NPAS3: variants seen among roughly 807,000 people sequenced by gnomAD.
NPAS3 encodes neuronal PAS domain protein 3.
NPAS3 carries 14 observed loss-of-function variants against 73.1 expected under a neutral mutation model. The ratio of observed to expected loss-of-function variants is 0.19; its 90% confidence interval spans 0.13 to 0.30. NPAS3 has a LOEUF of 0.30. NPAS3 is among the 10% of genes least tolerant of loss of function. NPAS3 has a pLI of 1.00. For synonymous variants in NPAS3, 620 were observed against 541.5 expected (o/e 1.14, Z -2.01); for missense variants, 1,096 against 1,250.0 (o/e 0.88, Z 1.86).
At chr14:32,941,688 G>C (rs1038342358) in intron 1 of NPAS3, among the ~76,000 whole-genome samples, 3 of 152,054 alleles carry the variant, frequency 2.0e-5, no homozygotes, top group Admixed American at 1.3e-4. Flanking sequence ...TTCTTGTTCA[G>C]CTTGGATGCT....
chr14:33,021,427 T>A (rs1454131611), intron 1 of NPAS3, among the ~76,000 whole-genome samples: 1 of 152,214 alleles, frequency 6.6e-6, no homozygotes, highest in African/African-American at 2.4e-5. Context: ...CTGAGTAGTT[T>A]CCTTGTTTTC....
At chr14:33,210,790 C>A (rs975026215) in intron 2 of NPAS3, among the ~76,000 whole-genome samples, 7 of 152,032 alleles carry the variant, frequency 4.6e-5, no homozygotes, top group African/African-American at 1.5e-4. Context: ...TCCTTATGAT[C>A]CTGCACAAAA....
intron 6 of NPAS3, among the ~76,000 whole-genome samples, chr14:33,701,760 A>G (rs2060528862): frequency 6.6e-6 from 1 of 152,146 alleles, no homozygotes; most frequent in South Asian, 2.1e-4. Flanking sequence ...CAACTTTTTG[A>G]GTATTTCCAG....
At chr14:33,564,638 C>T (rs1056547125) in intron 5 of NPAS3, among the ~76,000 whole-genome samples, 6 of 152,304 alleles carry the variant, frequency 3.9e-5, no homozygotes, top group Non-Finnish European at 7.3e-5. Flanking sequence ...TTCTTCTAAG[C>T]CCTCATGAGA....
chr14:33,687,736 A>G lies in NPAS3; in HGVS notation c.733+11351A>G, dbSNP rs546868718. ...TGTCTATAGTTTAGGTACACAAAAC[A>G]TTCATTCATTCTTTCATTTATTCTT... On this transcript the variant is annotated intron_variant, in intron 6 of 11. Coordinates refer to ENST00000356141, the Ensembl canonical transcript of NPAS3. Among the ~76,000 whole-genome samples, 13 of 152,358 alleles carry G rather than the reference A, an allele frequency of 8.5e-5. No homozygotes were observed. In the South Asian group the frequency reaches 2.5e-3, roughly 29 times the overall value.
chr14:33,291,258 C>T (rs2042088345), intron 3 of NPAS3, among the ~76,000 whole-genome samples: 1 of 152,032 alleles, frequency 6.6e-6, no homozygotes, highest in South Asian at 2.1e-4. Context: ...AAGAGAGAAG[C>T]ATTATTGAGG....
intron 7 of NPAS3, among the ~76,000 whole-genome samples, chr14:33,737,804 T>A (rs554217264): frequency 6.6e-6 from 1 of 152,266 alleles, no homozygotes; most frequent in East Asian, 1.9e-4. Context: ...AAACTGGTAA[T>A]CACCCCACCA....
chr14:33,581,434 C>G (rs1045349039), intron 5 of NPAS3, among the ~76,000 whole-genome samples: 3 of 152,100 alleles, frequency 2.0e-5, no homozygotes, highest in Non-Finnish European at 4.4e-5. Flanking sequence ...ACAGAAAATA[C>G]CACCTCCATT....
At chr14:32,995,700 T>C (rs978850713) in intron 1 of NPAS3, among the ~76,000 whole-genome samples, 1 of 152,232 alleles carries the variant, frequency 6.6e-6, no homozygotes, top group Non-Finnish European at 1.5e-5. Context: ...CCTGCTGCCA[T>C]CCATGTAAGA....
intron 3 of NPAS3, among the ~76,000 whole-genome samples, chr14:33,291,050 G>A (rs1199976733): frequency 6.6e-6 from 1 of 151,900 alleles, no homozygotes; most frequent in Non-Finnish European, 1.5e-5. Context: ...TCTAGGCTTT[G>A]CAATACGAAT....
intron 1 of NPAS3, among the ~76,000 whole-genome samples, chr14:32,943,473 T>C (rs190893141): frequency 6.6e-6 from 1 of 152,246 alleles, no homozygotes; most frequent in East Asian, 1.9e-4. Context: ...TGAACCACCT[T>C]ACTCCTCTTC....
intron 4 of NPAS3, among the ~76,000 whole-genome samples, chr14:33,506,809 C>A (rs148794761): frequency 1.8e-4 from 27 of 151,962 alleles, no homozygotes; most frequent in African/African-American, 6.0e-4. Flanking sequence ...CAGTCTCCCC[C>A]CTAATTCCCC....
chr14:33,387,343 CT>C, intron 4 of NPAS3, among the ~76,000 whole-genome samples: 1 of 152,130 alleles, frequency 6.6e-6, no homozygotes, highest in Non-Finnish European at 1.5e-5. Flanking sequence ...AAAAATTCCT[CT>C]CCTCCAACTC....
intron 6 of NPAS3, among the ~76,000 whole-genome samples, chr14:33,723,703 A>G (rs1363597104): frequency 7.9e-6 from 1 of 126,660 alleles, no homozygotes; most frequent in Non-Finnish European, 1.6e-5. Flanking sequence ...CTTTGCTTCA[A>G]TACTTCCTCT....
At chr14:33,605,951 ACTAT>A (rs1270974121) in intron 5 of NPAS3, among the ~76,000 whole-genome samples, 1 of 152,192 alleles carries the variant, frequency 6.6e-6, no homozygotes, top group Non-Finnish European at 1.5e-5. Flanking sequence ...GAGGACTGAC[ACTAT>A]CTAATTTCAA....
intron 5 of NPAS3, among the ~76,000 whole-genome samples, chr14:33,591,471 G>T (rs60691803): frequency 0.047 from 7,179 of 152,182 alleles, 564 homozygotes; most frequent in African/African-American, 0.16. Flanking sequence ...TACGTGGGCG[G>T]TAAAAGCTCT....
At chr14:33,470,251 G>A in intron 4 of NPAS3, among the ~76,000 whole-genome samples, 1 of 152,156 alleles carries the variant, frequency 6.6e-6, no homozygotes. Flanking sequence ...TTCAAGGAAA[G>A]GGAACATAGA....
chr14:33,492,111 T>TA (rs1174109384), intron 4 of NPAS3, among the ~76,000 whole-genome samples: 1 of 152,160 alleles, frequency 6.6e-6, no homozygotes, highest in Non-Finnish European at 1.5e-5. Flanking sequence ...GGCAGGGTGA[T>TA]AATCTCACTC....
intron 2 of NPAS3, among the ~76,000 whole-genome samples, chr14:33,118,816 G>A (rs1297372242): frequency 6.6e-6 from 1 of 151,808 alleles, no homozygotes; most frequent in East Asian, 1.9e-4. Context: ...GTGGCAGGTG[G>A]CCTGCGTTTG....
Sources: gnomAD v4.1 joint callset for allele counts (sites outside exome capture counted in the v4.1 genomes callset) on GRCh38, gnomAD v4.1.1 for gene constraint, MANE v1.5 for transcripts, NCBI Gene and HGNC (gene_info 2026-07-23, HGNC 2026-07-21) for gene names.